Variants in HYDIN observed in about 807,000 individuals in gnomAD.
HYDIN encodes axonemal central pair apparatus protein HYDIN.
HYDIN carries 132 observed loss-of-function variants against 403.9 expected under a neutral mutation model. The ratio of observed to expected loss-of-function variants is 0.33; its 90% CI spans 0.28 to 0.38. HYDIN has a LOEUF of 0.38. HYDIN is among the 10% of genes least tolerant of loss of function. The probability of loss-of-function intolerance (pLI) is 1.00; values close to 1 mark genes in which losing one functional copy is unlikely to be tolerated. For synonymous variants in HYDIN, 1,202 were observed against 1,891.7 expected, an observed-to-expected ratio of 0.64 and a Z score of 9.46; for missense variants, 2,827 against 5,009.5, an observed-to-expected ratio of 0.56 and a Z score of 13.15.
chr16:71,043,394 T>C (rs2081348769), intron 18 of HYDIN, among the ~76,000 whole-genome samples: 1 of 149,458 alleles, frequency 6.7e-6, no homozygotes, highest in Admixed American at 6.7e-5. Context: ...CATTTAAGAA[T>C]CTGCTCTTTT....
chr16:70,961,746 G>A (rs934640045), intron 38 of HYDIN, among the ~76,000 whole-genome samples: 2 of 151,980 alleles, frequency 1.3e-5, no homozygotes, highest in Non-Finnish European at 2.9e-5. Flanking sequence ...TGCCAAGAAT[G>A]TATTATATGC....
chr16:70,965,122 G>C (rs1185999646), intron 36 of HYDIN, among the ~76,000 whole-genome samples: 1 of 151,658 alleles, frequency 6.6e-6, no homozygotes, highest in East Asian at 2.0e-4. Context: ...CTCCATTTCA[G>C]CCTGGGCATT....
chr16:70,804,046 G>A lies in HYDIN; in HGVS notation c.*3534C>T, dbSNP rs74024461. Among the ~76,000 whole-genome samples the A allele has an allele frequency of 0.035, 5,318 of 152,290 alleles. 302 individuals are homozygous for A. The highest frequency in any genetic ancestry group is 0.12 in the African/African-American group (5,102 of 41,540). ...TGGAAGGGTTATTTTCATCAAGCCTGCTGTTAAGCTACTTTGCCATTCCAA... is the reference window on the plus strand; with the variant it reads ...TGGAAGGGTTATTTTCATCAAGCCTACTGTTAAGCTACTTTGCCATTCCAA... On this transcript the variant is annotated 3_prime_UTR_variant, in exon 86 of 86. Transcript: ENST00000393567.
intron 1 of HYDIN, among the ~76,000 whole-genome samples, chr16:71,222,237 A>G (rs2040836656): frequency 6.6e-6 from 1 of 152,220 alleles, no homozygotes; most frequent in Non-Finnish European, 1.5e-5. Flanking sequence ...AACAAAAACC[A>G]TAGATTATCT....
intron 47 of HYDIN, among the ~76,000 whole-genome samples, chr16:70,917,032 C>G (rs1014422124): frequency 6.6e-6 from 1 of 152,126 alleles, no homozygotes; most frequent in Non-Finnish European, 1.5e-5. Context: ...AAGCGATCCT[C>G]CCACCTCAGC....
intron 9 of HYDIN, among the ~76,000 whole-genome samples, chr16:71,120,510 G>C (rs1320462603): frequency 7.0e-6 from 1 of 142,900 alleles, no homozygotes; most frequent in Non-Finnish European, 1.5e-5. Flanking sequence ...ACAGCCACTG[G>C]TTTGTGATAG....
intron 75 of HYDIN, among the ~76,000 whole-genome samples, chr16:70,847,648 C>T (rs1285005521): frequency 1.3e-5 from 2 of 151,320 alleles, no homozygotes; most frequent in Non-Finnish European, 2.9e-5. Flanking sequence ...TTGAATATGT[C>T]ATCACACTGT....
rs776509639 is a variant in HYDIN at position 70,872,003 on chromosome 16, G to A, written c.11091+34C>T. 37 of 1,607,954 alleles carry A rather than the reference G, an allele frequency of 2.3e-5. No homozygotes were observed. In the South Asian group the frequency reaches 3.9e-4, roughly 17 times the overall value. Reference sequence around the variant, plus strand: ...AGTCTGGGGTTGGCTTAGGACTAAGGGATTCCAAAAAATGATGAATGACTT... The same window carrying A: ...AGTCTGGGGTTGGCTTAGGACTAAGAGATTCCAAAAAATGATGAATGACTT... On this transcript the variant is annotated intron_variant, in intron 65 of 85. Coordinates refer to ENST00000393567, the MANE Select transcript of HYDIN (RefSeq NM_001270974.2).
At chr16:71,158,468 T>C (rs2085866454) in intron 6 of HYDIN, among the ~76,000 whole-genome samples, 2 of 151,802 alleles carry the variant, frequency 1.3e-5, no homozygotes, top group South Asian at 4.2e-4. Context: ...TGCTTCACAT[T>C]TACATGAATC....
chr16:70,972,952 C>T (rs2078774442), intron 35 of HYDIN, among the ~76,000 whole-genome samples: 2 of 152,108 alleles, frequency 1.3e-5, no homozygotes, highest in Non-Finnish European at 2.9e-5. Context: ...AATCTCAAAC[C>T]CCCCACCCCC....
intron 53 of HYDIN, among the ~76,000 whole-genome samples, chr16:70,900,258 T>C (rs1597263408): frequency 6.6e-6 from 1 of 151,658 alleles, no homozygotes; most frequent in East Asian, 1.9e-4. Flanking sequence ...GGAGGATCAC[T>C]TGAGGTCAGG....
chr16:70,856,897 C>G (rs1215877743), intron 72 of HYDIN, among the ~76,000 whole-genome samples: 1 of 152,180 alleles, frequency 6.6e-6, no homozygotes, highest in African/African-American at 2.4e-5. Context: ...TTATGCAACA[C>G]CACATTGGTG....
At chr16:70,959,261 G>T (rs966433963) in intron 39 of HYDIN, 1 of 165,338 alleles carries the variant, frequency 6.0e-6, no homozygotes, top group Non-Finnish European at 1.3e-5. Flanking sequence ...CACACTGCAG[G>T]TATGGTTATA....
chr16:70,864,821 T>C (rs1476963560), intron 67 of HYDIN, among the ~76,000 whole-genome samples: 3 of 152,186 alleles, frequency 2.0e-5, no homozygotes, highest in Non-Finnish European at 2.9e-5. Flanking sequence ...TTGTGTCCCA[T>C]ACGGTCTCTG....
intron 8 of HYDIN, among the ~76,000 whole-genome samples, chr16:71,135,428 T>G (rs938402650): frequency 1.4e-5 from 2 of 147,026 alleles, no homozygotes; most frequent in Admixed American, 6.8e-5. Context: ...TTAACGTCCT[T>G]ACATAGTTTT....
intron 8 of HYDIN, chr16:71,132,037 T>C (rs1429572517): frequency 1.6e-4 from 23 of 142,916 alleles, no homozygotes; most frequent in South Asian, 7.0e-4. Flanking sequence ...TACATACTTA[T>C]TAGGGAAAAA....
intron 1 of HYDIN, among the ~76,000 whole-genome samples, chr16:71,192,429 C>G (rs117032507): frequency 2.6e-5 from 4 of 152,218 alleles, no homozygotes; most frequent in African/African-American, 9.6e-5. Context: ...TGCCTAAAAT[C>G]GTTTCGTCCG....
chr16:71,160,013 A>G (rs1257073789), intron 6 of HYDIN, among the ~76,000 whole-genome samples: 2 of 131,012 alleles, frequency 1.5e-5, no homozygotes, highest in Admixed American at 1.5e-4. Context: ...GTACTTGGAG[A>G]AATAAACACA....
intron 11 of HYDIN, 128 bp downstream of exon 11, chr16:71,093,689 A>C (rs2083184548): frequency 1.0e-6 from 1 of 959,166 alleles, no homozygotes; most frequent in Non-Finnish European, 1.5e-6. Context: ...CCAGGGTCTC[A>C]ACAAGGATGA....
Sources: gnomAD v4.1 joint callset for allele counts (sites outside exome capture counted in the v4.1 genomes callset) on GRCh38, gnomAD v4.1.1 for gene constraint, MANE v1.5 for transcripts, NCBI Gene and HGNC (gene_info 2026-07-23, HGNC 2026-07-21) for gene names.